CDH12: variants seen among roughly 807,000 people sequenced by gnomAD.
The protein encoded by CDH12 is cadherin 12.
Under a neutral mutation model 74.1 loss-of-function variants are expected in CDH12, and 41 were observed. That is an observed-to-expected ratio of 0.55 (90% CI 0.43 to 0.72). The LOEUF is 0.72. Among genes scored for constraint, CDH12 ranks in the 30% least tolerant of loss-of-function variants. The probability of loss-of-function intolerance (pLI) is 0.00; values close to 1 mark genes in which losing one functional copy is unlikely to be tolerated. For synonymous variants in CDH12, 399 were observed against 355.0 expected, an observed-to-expected ratio of 1.12 and a Z score of -1.39; for missense variants, 945 against 977.2, an observed-to-expected ratio of 0.97 and a Z score of 0.44.
chr5:22,381,533 C>G (rs1413492298), intron 3 of CDH12, among the ~76,000 whole-genome samples: 2 of 151,636 alleles, frequency 1.3e-5, no homozygotes, highest in Non-Finnish European at 1.5e-5. Context: ...TATTCCTATG[C>G]GATTTCTCCA....
At chr5:22,231,294 T>G (rs574884819) in intron 3 of CDH12, among the ~76,000 whole-genome samples, 1 of 152,242 alleles carries the variant, frequency 6.6e-6, no homozygotes, top group East Asian at 1.9e-4. Flanking sequence ...TTGGCTCAAA[T>G]TTATTCCCAC....
At chr5:22,832,098 A>G (rs1321360351) in intron 1 of CDH12, among the ~76,000 whole-genome samples, 2 of 152,158 alleles carry the variant, frequency 1.3e-5, no homozygotes, top group Non-Finnish European at 2.9e-5. Flanking sequence ...AAAGTTATAA[A>G]TCATATCTAA....
intron 4 of CDH12, among the ~76,000 whole-genome samples, chr5:22,133,365 C>T (rs2150289477): frequency 6.6e-6 from 1 of 152,242 alleles, no homozygotes; most frequent in African/African-American, 2.4e-5. Flanking sequence ...ATCCATCCAT[C>T]TATTTCAAGT....
chr5:21,931,146 T>C (rs912555091), intron 6 of CDH12, among the ~76,000 whole-genome samples: 32 of 152,302 alleles, frequency 2.1e-4, no homozygotes, highest in African/African-American at 6.0e-4. Flanking sequence ...TCTATCTTTA[T>C]TGCTAGAACA....
At chr5:21,775,769 C>T (rs1025035820) in intron 11 of CDH12, among the ~76,000 whole-genome samples, 7 of 151,866 alleles carry the variant, frequency 4.6e-5, no homozygotes, top group African/African-American at 1.7e-4. Flanking sequence ...TGGGAGCACT[C>T]TGAATTTTGA....
intron 3 of CDH12, among the ~76,000 whole-genome samples, chr5:22,384,238 ATGT>A (rs931012924): frequency 6.6e-6 from 1 of 152,082 alleles, no homozygotes; most frequent in Non-Finnish European, 1.5e-5. Flanking sequence ...AGAAAAGAAA[ATGT>A]TGGCCGGGCG....
intron 6 of CDH12, among the ~76,000 whole-genome samples, chr5:21,910,124 T>TA (rs573410070): frequency 1.4e-4 from 22 of 152,292 alleles, no homozygotes; most frequent in African/African-American, 4.8e-4. Context: ...GGCCACCACT[T>TA]ATCTAAATGA....
intron 12 of CDH12, among the ~76,000 whole-genome samples, chr5:21,764,728 A>G (rs1444440617): frequency 6.6e-6 from 1 of 152,030 alleles, no homozygotes; most frequent in East Asian, 1.9e-4. Flanking sequence ...AGAAACCACA[A>G]GTGTAGACCT....
intron 10 of CDH12, among the ~76,000 whole-genome samples, chr5:21,796,158 C>G (rs1364733392): frequency 6.6e-6 from 1 of 151,960 alleles, no homozygotes; most frequent in Non-Finnish European, 1.5e-5. Context: ...CTTGACTTAC[C>G]ATGAGGTTAC....
chr5:21,880,604 C>CTCTCTCTCTTTCT (rs1752241051), intron 6 of CDH12, among the ~76,000 whole-genome samples: 1 of 56,016 alleles, frequency 1.8e-5, no homozygotes, highest in African/African-American at 6.6e-5. Context: ...TCCTTCCTTC[C>CTCTCTCTCTTTCT]TTCCTTCCTT....
intron 1 of CDH12, among the ~76,000 whole-genome samples, chr5:22,832,525 A>G (rs1288918742): frequency 6.6e-6 from 1 of 152,148 alleles, no homozygotes; most frequent in African/African-American, 2.4e-5. Context: ...ATACGCAGAG[A>G]GGTCTGGGAA....
At chr5:21,793,075 T>G (rs1449705932) in intron 10 of CDH12, among the ~76,000 whole-genome samples, 1 of 151,718 alleles carries the variant, frequency 6.6e-6, no homozygotes, top group Non-Finnish European at 1.5e-5. Flanking sequence ...CATTTCAATT[T>G]TTTTTCCTCC....
intron 1 of CDH12, among the ~76,000 whole-genome samples, chr5:22,551,053 GTAATAA>G (rs1229624491): frequency 2.6e-5 from 4 of 152,174 alleles, no homozygotes; most frequent in Non-Finnish European, 1.5e-5. Flanking sequence ...CACAGTACTA[GTAATAA>G]TAGGATGATT....
chr5:22,235,949 C>T (rs925929299), intron 3 of CDH12, among the ~76,000 whole-genome samples: 5 of 152,204 alleles, frequency 3.3e-5, no homozygotes, highest in Non-Finnish European at 5.9e-5. Flanking sequence ...CAGACACGAG[C>T]AGCATATTGC....
intron 8 of CDH12, among the ~76,000 whole-genome samples, chr5:21,828,324 A>G (rs774581083): frequency 3.2e-4 from 49 of 152,020 alleles, no homozygotes; most frequent in Non-Finnish European, 3.1e-4. Flanking sequence ...GTTTCACCAT[A>G]TTGGTCAGGC....
intron 5 of CDH12, among the ~76,000 whole-genome samples, chr5:22,020,333 C>T (rs1047964775): frequency 3.7e-4 from 56 of 151,944 alleles, no homozygotes; most frequent in African/African-American, 1.3e-3. Flanking sequence ...GCGGGCAGAT[C>T]GCCTGAGGTC....
At chr5:22,227,939 A>G (rs1198495433) in intron 3 of CDH12, among the ~76,000 whole-genome samples, 1 of 152,160 alleles carries the variant, frequency 6.6e-6, no homozygotes, top group African/African-American at 2.4e-5. Context: ...GTTCATCACA[A>G]TTCCACACCT....
intron 3 of CDH12, among the ~76,000 whole-genome samples, chr5:22,314,389 T>C (rs1738523263): frequency 6.6e-6 from 1 of 152,134 alleles, no homozygotes; most frequent in African/African-American, 2.4e-5. Flanking sequence ...TAATCCAGTA[T>C]GGGTGATGTC....
intron 2 of CDH12, among the ~76,000 whole-genome samples, chr5:22,485,068 A>G (rs2551511): frequency 0.94 from 143,189 of 152,232 alleles, 67,434 homozygotes; most frequent in Admixed American, 0.97. Flanking sequence ...GTACTTCTAC[A>G]TTGATATTTC....
Sources: gnomAD v4.1 joint callset for allele counts (sites outside exome capture counted in the v4.1 genomes callset) on GRCh38, gnomAD v4.1.1 for gene constraint, MANE v1.5 for transcripts, NCBI Gene and HGNC (gene_info 2026-07-23, HGNC 2026-07-21) for gene names.